Variants in AHRR observed in about 807,000 individuals in gnomAD.
AHRR encodes the protein ahR repressor.
AHRR carries 28 observed loss-of-function variants against 44.0 expected under a neutral mutation model. That is an observed-to-expected ratio of 0.64 (90% CI 0.47 to 0.87). The LOEUF is 0.87. Among genes scored for constraint, AHRR ranks in the 40% least tolerant of loss-of-function variants. The pLI, the probability that AHRR is intolerant of heterozygous loss-of-function variation, is 0.00. For synonymous variants in AHRR, 434 were observed against 407.0 expected, an observed-to-expected ratio of 1.07 and a Z score of -0.80; for missense variants, 990 against 953.9, an observed-to-expected ratio of 1.04 and a Z score of -0.50.
At chr5:398,569 C>T (rs375549412) in intron 4 of AHRR, among the ~76,000 whole-genome samples, 5 of 152,228 alleles carry the variant, frequency 3.3e-5, no homozygotes, top group African/African-American at 1.2e-4. Flanking sequence ...CCCAGGCTCT[C>T]CCCAGCAGGC....
chr5:401,434 C>A (rs1028796192), intron 4 of AHRR, among the ~76,000 whole-genome samples: 1 of 152,220 alleles, frequency 6.6e-6, no homozygotes, highest in East Asian at 1.9e-4. Flanking sequence ...GGGATTGGCC[C>A]ATGGTCCCTC....
chr5:346,301 GAA>G (rs1350579258), intron 2 of AHRR, among the ~76,000 whole-genome samples: 1 of 152,240 alleles, frequency 6.6e-6, no homozygotes, highest in Non-Finnish European at 1.5e-5. Flanking sequence ...GAGCCAGCCT[GAA>G]GACACTTTCC....
intron 4 of AHRR, among the ~76,000 whole-genome samples, chr5:392,973 G>A (rs1441980133): frequency 6.6e-6 from 1 of 151,846 alleles, no homozygotes; most frequent in Non-Finnish European, 1.5e-5. Flanking sequence ...CTTTCACTGG[G>A]GCCCACCTAC....
chr5:431,909 T>C (rs1412221392), intron 8 of AHRR: 2 of 154,414 alleles, frequency 1.3e-5, no homozygotes, highest in Admixed American at 1.3e-4. Flanking sequence ...GCCAGTCAGA[T>C]GGGTTTGAAC....
At chr5:413,260 G>T in intron 4 of AHRR, 84 bp from the exon 5 acceptor site, 1 of 1,005,414 alleles carries the variant, frequency 9.9e-7, no homozygotes, top group South Asian at 1.5e-5. Context: ...GGAAATTGTT[G>T]AAAATTTAAG....
At chr5:333,004 G>A (rs537302326) in intron 1 of AHRR, among the ~76,000 whole-genome samples, 36 of 143,290 alleles carry the variant, frequency 2.5e-4, no homozygotes, top group African/African-American at 8.8e-4. Flanking sequence ...ACTGCTGTTC[G>A]CTTTTGGTTT....
chr5:413,502 T>G, intron 5 of AHRR, 69 bp downstream of exon 5: 1 of 1,242,930 alleles, frequency 8.0e-7, no homozygotes, highest in Middle Eastern at 1.9e-4. Context: ...AAATGTTTGT[T>G]GTCGTCAAGG....
rs112198664 is a variant in AHRR, at chr5:364,972, A to T, written c.244+11061A>T. On this transcript the variant is annotated intron_variant, in intron 3 of 10. Transcript: ENST00000684583. ...TATAATTTTGAATTTTATTCTTTCC[A>T]TAACATAATTTCAAAATCTGTAAAG... Among the ~76,000 whole-genome samples, 6 of 152,228 alleles carry T rather than the reference A, an allele frequency of 3.9e-5. 1 individual carries two copies. The highest frequency in any genetic ancestry group is 1.4e-4 in the African/African-American group (6 of 41,558).
At position 406,837 on chromosome 5, in the gene AHRR, C is replaced by G. The variant is rs1393581739; in HGVS notation, c.352-6507C>G. On this transcript the variant is annotated intron_variant, in intron 4 of 10. Transcript: ENST00000684583. The surrounding 1 kb of genome is among the most constrained non-coding windows in gnomAD (Gnocchi z 4.7). ...GGGAAATACTCATAAAGTTAACTTA[C>G]CAACTTAATATACTAAAGGAGGAGA... Among the ~76,000 whole-genome samples the G allele has an allele frequency of 6.6e-6, 1 of 152,188 alleles. No homozygotes were observed. The highest frequency in any genetic ancestry group is 1.5e-5 in the Non-Finnish European group (1 of 68,040).
rs1474845167 is a variant in AHRR at position 365,599 on chromosome 5, A to G, written c.245-11011A>G. On this transcript the variant is annotated intron_variant, in intron 3 of 10. Transcript: ENST00000684583. ...AGAGTCAAAGAAAATAATAGAAGAT[A>G]TTGATGAAATAGAAAAGAAACATAC... Among the ~76,000 whole-genome samples the G allele has an allele frequency of 2.0e-5, 3 of 152,014 alleles. No homozygotes were observed. The East Asian group carries it at 5.8e-4, about 29-fold the overall frequency.
At chr5:351,161 T>C (rs1742845729) in intron 2 of AHRR, among the ~76,000 whole-genome samples, 1 of 152,024 alleles carries the variant, frequency 6.6e-6, no homozygotes, top group Non-Finnish European at 1.5e-5. Flanking sequence ...GATGGGAAAG[T>C]AAAATAGCGC....
intron 7 of AHRR, among the ~76,000 whole-genome samples, chr5:424,395 G>T (rs1015025000): frequency 8.8e-5 from 11 of 125,342 alleles, no homozygotes; most frequent in Non-Finnish European, 1.3e-4. Flanking sequence ...CCTGGTGGGG[G>T]GGCGAGGGCC....
intron 4 of AHRR, among the ~76,000 whole-genome samples, chr5:398,084 A>G (rs1734830452): frequency 7.4e-6 from 1 of 134,466 alleles, no homozygotes; most frequent in Non-Finnish European, 1.6e-5. Flanking sequence ...CCATCCACGT[A>G]GCCCCTGACC....
chr5:424,063 G>A (rs10064386), intron 7 of AHRR, 86 bp downstream of exon 7: 3 of 1,526,110 alleles, frequency 2.0e-6, no homozygotes, highest in South Asian at 1.2e-5. Flanking sequence ...GGCAAGAGGG[G>A]GTGGGGGCGT....
In AHRR at chr5:436,843, C is replaced by A. The variant is rs989958349; in HGVS notation, c.*2009C>A. ...GTGGAGAGCAGGCACCTGTGAAGACCAGGCACCTGAGGACTGGCGCCTACT... is the reference window on the plus strand; with the variant it reads ...GTGGAGAGCAGGCACCTGTGAAGACAAGGCACCTGAGGACTGGCGCCTACT... On this transcript the variant is annotated 3_prime_UTR_variant, in exon 11 of 11. Transcript: ENST00000684583. 1.3e-5 allele frequency: 2 copies of A among 152,440 alleles called. No individual in the cohort carries two copies. The highest frequency in any genetic ancestry group is 4.8e-5 in the African/African-American group (2 of 41,462). 9.4% of individuals were successfully genotyped at this position (152,440 alleles called of 1,614,324 possible).
intron 8 of AHRR, 142 bp downstream of exon 8, chr5:428,148 C>A: frequency 1.0e-6 from 1 of 966,130 alleles, no homozygotes; most frequent in Non-Finnish European, 1.5e-6. Context: ...AGTCATTACA[C>A]AACATAGGCA....
At chr5:328,635 G>A (rs149661782) in intron 1 of AHRR, among the ~76,000 whole-genome samples, 54 of 152,238 alleles carry the variant, frequency 3.5e-4, no homozygotes, top group South Asian at 2.3e-3. Context: ...GATTAGTGAT[G>A]TGGGGTATTT....
intron 2 of AHRR, among the ~76,000 whole-genome samples, chr5:346,070 G>C (rs547094986): frequency 2.0e-5 from 3 of 152,164 alleles, no homozygotes; most frequent in Admixed American, 2.0e-4. Flanking sequence ...CCTGGGGCCA[G>C]GCACACAGCC....
intron 2 of AHRR, among the ~76,000 whole-genome samples, chr5:344,519 G>T: frequency 8.4e-4 from 1 of 1,186 alleles, no homozygotes; most frequent in Non-Finnish European, 1.5e-3. Flanking sequence ...TGTGTGTGAG[G>T]CTGTGGGGGG....
Sources: allele counts gnomAD v4.1 joint callset (sites outside exome capture counted in the v4.1 genomes callset), GRCh38; gene constraint gnomAD v4.1.1; non-coding constraint Gnocchi (gnomAD v3.1); transcripts MANE v1.5; gene names NCBI Gene and HGNC (gene_info 2026-07-23, HGNC 2026-07-21).